Variants in APC observed in about 807,000 individuals in gnomAD.
APC encodes the protein APC regulator of Wnt signaling pathway, also known as adenomatous polyposis coli protein.
A neutral mutation model predicts 247.0 loss-of-function variants in APC; 72 were observed. The ratio of observed to expected loss-of-function variants is 0.29; its 90% CI spans 0.24 to 0.35. The LOEUF (loss-of-function observed/expected upper bound fraction) is 0.35. APC is among the 10% of genes least tolerant of loss of function. The probability of loss-of-function intolerance (pLI) is 1.00; values close to 1 mark genes in which losing one functional copy is unlikely to be tolerated. For missense variants in APC, 3,400 were observed against 3,360.7 expected (o/e 1.01, Z -0.29); for synonymous variants, 1,254 against 1,162.5 (o/e 1.08, Z -1.60).
chr5:112,795,723 T>C lies in APC; in HGVS notation c.729+3194T>C, dbSNP rs574088224. Among the ~76,000 whole-genome samples the C allele has an allele frequency of 3.3e-5, 5 of 152,382 alleles. No homozygotes were observed. In the East Asian group the frequency reaches 5.8e-4, roughly 18 times the overall value. On this transcript the variant is annotated intron_variant, in intron 7 of 15. Coordinates refer to ENST00000257430, the MANE Select transcript of APC (RefSeq NM_000038.6). ...TTTGAGAGTGGAATAAAGACACTTTTAGATAGGCAAAGTGTCAAATACGTT... is the reference window on the plus strand; with the variant it reads ...TTTGAGAGTGGAATAAAGACACTTTCAGATAGGCAAAGTGTCAAATACGTT...
At chr5:112,834,574 C>CT (rs921076687) in intron 14 of APC, among the ~76,000 whole-genome samples, 21 of 149,966 alleles carry the variant, frequency 1.4e-4, no homozygotes, top group African/African-American at 2.7e-4. Context: ...TTCCTGTTCA[C>CT]TTTTTTTTTT....
intron 1 of APC, among the ~76,000 whole-genome samples, chr5:112,730,323 G>T (rs1260106590): frequency 6.6e-6 from 1 of 152,196 alleles, no homozygotes; most frequent in Non-Finnish European, 1.5e-5. Flanking sequence ...GAGGGATGAG[G>T]CTTGAAAAAG....
intron 1 of APC, among the ~76,000 whole-genome samples, chr5:112,747,726 C>T (rs1753850618): frequency 6.6e-6 from 1 of 152,064 alleles, no homozygotes; most frequent in Non-Finnish European, 1.5e-5. Flanking sequence ...ATGAAGAAAT[C>T]GTGGGAATTA....
intron 9 of APC, 33 bp from the exon 10 acceptor site, chr5:112,818,932 CG>C (rs1336157351): frequency 6.3e-7 from 1 of 1,581,296 alleles, no homozygotes. Flanking sequence ...ATATTAAAGT[CG>C]TAATTTTGTT....
At chr5:112,749,032 G>C (rs1237028299) in intron 1 of APC, among the ~76,000 whole-genome samples, 1 of 152,006 alleles carries the variant, frequency 6.6e-6, no homozygotes, top group Non-Finnish European at 1.5e-5. Flanking sequence ...CCTATTTCCA[G>C]GTTTTTATGG....
rs1765775529 is a variant in APC at position 112,840,420 on chromosome 5, C to G, written c.4826C>G (p.Pro1609Arg). 1.2e-6 allele frequency: 2 copies of G among 1,614,168 alleles called. No individual in the cohort carries two copies. The highest frequency in any genetic ancestry group is 1.7e-6 in the Non-Finnish European group (2 of 1,180,022). The change falls in exon 16 of 16, where the codon CCA (proline) becomes CGA (arginine). Residue 1609 changes from proline to arginine, a missense_variant. Pro to Arg is a moderately radical substitution (Grantham distance 103). Around this residue, in one of 9 missense-constraint regions of APC, gnomAD observed 1,788 missense variants for 1,649.5 expected, o/e 1.08. Coordinates refer to ENST00000257430, the MANE Select transcript of APC (RefSeq NM_000038.6). This position sits in a 1 kb window ranked among gnomAD's most constrained non-coding sequence, Gnocchi z 4.1. ...TTACCTCCACCTGTGGCAAGGAAAC[C>G]AAGTCAGCTGCCTGTGTACAAACTT... ...SKLPPPVARK[P>R]SQLPVYKLLP...
At chr5:112,760,806 C>T (rs1328355593) in intron 2 of APC, among the ~76,000 whole-genome samples, 1 of 151,126 alleles carries the variant, frequency 6.6e-6, no homozygotes, top group East Asian at 1.9e-4. Flanking sequence ...AACTAGGTCT[C>T]AATCCATTTT....
chr5:112,818,462 A>G lies in APC; in HGVS notation c.934-504A>G, dbSNP rs1214149271. Among the ~76,000 whole-genome samples the G allele has an allele frequency of 3.4e-5, 5 of 148,898 alleles. 1 individual carries two copies. Among genetic ancestry groups the G allele is most frequent in the South Asian group, 2.1e-4 (1 of 4,658 alleles). ...ATCGTATAATTTTAATAATATTATC[A>G]TCTGACGAGAATTAATGATTGCTGA... On this transcript the variant is annotated intron_variant, in intron 9 of 15. Transcript: ENST00000257430.
At chr5:112,753,845 T>C (rs1057176388) in intron 1 of APC, among the ~76,000 whole-genome samples, 1 of 152,226 alleles carries the variant, frequency 6.6e-6, no homozygotes, top group African/African-American at 2.4e-5. Flanking sequence ...AAGTATTGCT[T>C]AAGTGCAAAC....
At chr5:112,821,521 T>G (rs888817023) in intron 10 of APC, among the ~76,000 whole-genome samples, 21 of 151,980 alleles carry the variant, frequency 1.4e-4, no homozygotes, top group African/African-American at 3.9e-4. Flanking sequence ...TTTTGTTGTT[T>G]TTTTAAAGAA....
At chr5:112,727,687 T>TA (rs1165652717) in intron 1 of APC, among the ~76,000 whole-genome samples, 4 of 152,094 alleles carry the variant, frequency 2.6e-5, no homozygotes, top group Admixed American at 6.5e-5. Context: ...AAAAAGACTT[T>TA]AAAAAAATCA....
At chr5:112,826,505 A>G (rs1405165583) in intron 11 of APC, among the ~76,000 whole-genome samples, 1 of 152,016 alleles carries the variant, frequency 6.6e-6, no homozygotes, top group Admixed American at 6.6e-5. Context: ...GATATTATCA[A>G]CGAGAAGTAA....
intron 5 of APC, chr5:112,778,146 T>C (rs1757881414): frequency 1.4e-5 from 3 of 211,892 alleles, no homozygotes; most frequent in South Asian, 9.0e-5. Flanking sequence ...CTTTCCATTC[T>C]GTTTGTTTCC....
intron 5 of APC, among the ~76,000 whole-genome samples, chr5:112,776,506 C>A (rs1423609809): frequency 6.6e-6 from 1 of 152,180 alleles, no homozygotes; most frequent in African/African-American, 2.4e-5. Flanking sequence ...TGAATCATAA[C>A]CTTTTAGTCA....
intron 4 of APC, among the ~76,000 whole-genome samples, chr5:112,770,685 A>T (rs748684623): frequency 3.3e-5 from 5 of 152,126 alleles, no homozygotes; most frequent in African/African-American, 1.2e-4. Flanking sequence ...CTCATTTCCC[A>T]TGAGATAGTT....
intron 2 of APC, among the ~76,000 whole-genome samples, chr5:112,758,616 G>T (rs916808102): frequency 6.8e-6 from 1 of 147,320 alleles, no homozygotes; most frequent in Admixed American, 6.7e-5. Flanking sequence ...GAGCCACCAC[G>T]CCTGGCCCCC....
intron 1 of APC, among the ~76,000 whole-genome samples, chr5:112,752,506 T>C (rs1296119469): frequency 1.3e-5 from 2 of 152,184 alleles, no homozygotes; most frequent in Non-Finnish European, 2.9e-5. Flanking sequence ...TCATCTTAAC[T>C]GCAGAAAAAC....
chr5:112,781,437 C>T (rs1312729787), intron 6 of APC, among the ~76,000 whole-genome samples: 1 of 152,116 alleles, frequency 6.6e-6, no homozygotes, highest in African/African-American at 2.4e-5. Context: ...TGAATATAGC[C>T]TTTTTATATT....
intron 6 of APC, among the ~76,000 whole-genome samples, chr5:112,785,523 A>T (rs1758839946): frequency 6.6e-6 from 1 of 152,210 alleles, no homozygotes; most frequent in Non-Finnish European, 1.5e-5. Flanking sequence ...TAAAGTTTAT[A>T]ATGCAAGAAT....
Sources: gnomAD v4.1 joint callset for allele counts (sites outside exome capture counted in the v4.1 genomes callset) on GRCh38, gnomAD v4.1.1 for gene constraint, gnomAD v4.1.1 regional missense constraint, Gnocchi (gnomAD v3.1) non-coding constraint, MANE v1.5 for transcripts, NCBI Gene and HGNC (gene_info 2026-07-23, HGNC 2026-07-21) for gene names.